The following ZNF385D variants were observed in gnomAD, a reference collection of about 807,000 sequenced individuals.
ZNF385D encodes zinc finger protein 659.
Under a neutral mutation model 35.8 loss-of-function variants are expected in ZNF385D, and 15 were observed. That is an observed-to-expected ratio of 0.42 (90% CI 0.28 to 0.64). The LOEUF is 0.64. Among genes scored for constraint, ZNF385D ranks in the 30% least tolerant of loss-of-function variants. ZNF385D has a pLI of 0.23. For missense variants in ZNF385D, 474 were observed against 494.6 expected (o/e 0.96, Z 0.39); for synonymous variants, 212 against 186.8 (o/e 1.13, Z -1.10).
rs145165003 is a variant in ZNF385D at position 21,658,104 on chromosome 3, C to A, written c.165+6782G>T. On this transcript the variant is annotated intron_variant, in intron 2 of 7. Coordinates refer to ENST00000281523, the MANE Select transcript of ZNF385D (RefSeq NM_024697.3). Reference sequence around the variant, plus strand: ...ATAAGTGTACATCTAAGCTAAAGTTCTAGAATAATCTCTATATGTTAAGCA... The same window carrying A: ...ATAAGTGTACATCTAAGCTAAAGTTATAGAATAATCTCTATATGTTAAGCA... Among the ~76,000 whole-genome samples, 5 of 152,062 alleles carry A rather than the reference C, an allele frequency of 3.3e-5. No homozygotes were observed. In the East Asian group the frequency reaches 5.8e-4, roughly 18 times the overall value.
chr3:22,225,100 C>T (rs1164103637), intron 2 of ZNF385D, among the ~76,000 whole-genome samples: 1 of 152,166 alleles, frequency 6.6e-6, no homozygotes, highest in East Asian at 1.9e-4. Context: ...CTTTTTGTCA[C>T]ACTTTTACAC....
intron 3 of ZNF385D, among the ~76,000 whole-genome samples, chr3:22,030,872 A>G (rs1454761435): frequency 2.0e-5 from 3 of 152,206 alleles, no homozygotes; most frequent in Non-Finnish European, 2.9e-5. Context: ...CAAGTTAGTT[A>G]TTTCCAAGAC....
At chr3:22,062,007 T>A (rs191151276) in intron 3 of ZNF385D, among the ~76,000 whole-genome samples, 1 of 152,272 alleles carries the variant, frequency 6.6e-6, no homozygotes, top group African/African-American at 2.4e-5. Context: ...AATAAAATAA[T>A]TTTAAACATG....
chr3:22,074,938 C>G lies in ZNF385D; in HGVS notation c.325+93879G>C, dbSNP rs141296015. 1.4e-3 allele frequency among the ~76,000 whole-genome samples: 210 copies of G among 151,922 alleles called. 1 individual carries two copies. Among genetic ancestry groups the G allele is most frequent in the African/African-American group, 5.0e-3 (207 of 41,510 alleles). ...GTCACCATCACCAAGAAACCTGAAT[C>G]AGAAATGATGGTGAGAAAAGGGGGG... On this transcript the variant is annotated intron_variant, in intron 3 of 5. Transcript: ENST00000494108.
chr3:22,069,746 A>G (rs1700139980), intron 3 of ZNF385D, among the ~76,000 whole-genome samples: 1 of 152,180 alleles, frequency 6.6e-6, no homozygotes. Flanking sequence ...AGTGCACATC[A>G]GTGATAAGTC....
intron 1 of ZNF385D, among the ~76,000 whole-genome samples, chr3:21,695,524 C>A (rs188339297): frequency 4.3e-4 from 65 of 152,308 alleles, no homozygotes; most frequent in African/African-American, 1.5e-3. Flanking sequence ...CTAAGTGGAA[C>A]TGACCAATAG....
chr3:21,583,091 A>G (rs930417071), intron 2 of ZNF385D, among the ~76,000 whole-genome samples: 2 of 152,162 alleles, frequency 1.3e-5, no homozygotes, highest in African/African-American at 4.8e-5. Context: ...TGTCTACCAC[A>G]TAGAAGCATA....
intron 1 of ZNF385D, among the ~76,000 whole-genome samples, chr3:21,693,925 C>A (rs1329983289): frequency 6.9e-6 from 1 of 145,678 alleles, no homozygotes; most frequent in Non-Finnish European, 1.5e-5. Flanking sequence ...GTCACCCAGG[C>A]TGGAGTGCAG....
At chr3:21,916,594 G>A (rs1425853273) in intron 3 of ZNF385D, among the ~76,000 whole-genome samples, 4 of 152,082 alleles carry the variant, frequency 2.6e-5, no homozygotes, top group Non-Finnish European at 5.9e-5. Context: ...AATTTTTCTA[G>A]TATAGCCTAT....
At chr3:21,767,680 G>C (rs1026735081) in intron 3 of ZNF385D, among the ~76,000 whole-genome samples, 1 of 150,816 alleles carries the variant, frequency 6.6e-6, no homozygotes, top group South Asian at 2.1e-4. Flanking sequence ...AGTTAAGGTG[G>C]GGGGTGGGAG....
chr3:22,344,357 T>C (rs1197790752), intron 2 of ZNF385D, among the ~76,000 whole-genome samples: 1 of 152,072 alleles, frequency 6.6e-6, no homozygotes. Flanking sequence ...AGGATAATAT[T>C]ACCTTTGCTT....
intron 2 of ZNF385D, among the ~76,000 whole-genome samples, chr3:21,653,654 A>G (rs2065988603): frequency 6.6e-6 from 1 of 152,118 alleles, no homozygotes; most frequent in East Asian, 1.9e-4. Context: ...CAAGGCTCTT[A>G]AAACCAGATT....
chr3:22,263,187 C>T (rs1275910005), intron 2 of ZNF385D, among the ~76,000 whole-genome samples: 1 of 151,854 alleles, frequency 6.6e-6, no homozygotes, highest in African/African-American at 2.4e-5. Flanking sequence ...TAAGATTCTG[C>T]TACTGCCCAG....
chr3:21,741,564 G>C (rs1261068661), intron 1 of ZNF385D, among the ~76,000 whole-genome samples: 1 of 152,018 alleles, frequency 6.6e-6, no homozygotes, highest in Non-Finnish European at 1.5e-5. Flanking sequence ...ATTGTCACAG[G>C]ACTTTACAAG....
chr3:21,837,756 C>G (rs1159784779), intron 3 of ZNF385D, among the ~76,000 whole-genome samples: 1 of 151,722 alleles, frequency 6.6e-6, no homozygotes, highest in Non-Finnish European at 1.5e-5. Context: ...CCTGTAGTCC[C>G]AGCTACTCAG....
At chr3:21,981,829 C>T (rs1298079277) in intron 3 of ZNF385D, among the ~76,000 whole-genome samples, 2 of 152,108 alleles carry the variant, frequency 1.3e-5, no homozygotes, top group South Asian at 2.1e-4. Flanking sequence ...AGTCTTTTCA[C>T]CATTACTTGT....
intron 2 of ZNF385D, among the ~76,000 whole-genome samples, chr3:22,236,314 G>C (rs971752855): frequency 6.6e-6 from 1 of 151,998 alleles, no homozygotes; most frequent in African/African-American, 2.4e-5. Context: ...TCACTGGAAA[G>C]TTGACTAGGA....
At chr3:22,294,472 A>G (rs1702465183) in intron 2 of ZNF385D, among the ~76,000 whole-genome samples, 1 of 152,298 alleles carries the variant, frequency 6.6e-6, no homozygotes, top group Non-Finnish European at 1.5e-5. Flanking sequence ...CGTATATAAT[A>G]TATAATGGGT....
intron 2 of ZNF385D, among the ~76,000 whole-genome samples, chr3:21,618,326 G>A (rs1056568590): frequency 1.3e-5 from 2 of 152,222 alleles, no homozygotes; most frequent in Admixed American, 6.5e-5. Flanking sequence ...GTGGCTGTAA[G>A]CCCAAGAATG....
Sources: allele counts gnomAD v4.1 joint callset (sites outside exome capture counted in the v4.1 genomes callset), GRCh38; gene constraint gnomAD v4.1.1; transcripts MANE v1.5; gene names NCBI Gene and HGNC (gene_info 2026-07-23, HGNC 2026-07-21).